CUX1: variants seen among roughly 807,000 people sequenced by gnomAD.
CUX1 encodes cut like homeobox 1, also known as protein CASP.
CUX1 carries 31 observed loss-of-function variants against 158.8 expected under a neutral mutation model. The ratio of observed to expected loss-of-function variants is 0.20; its 90% confidence interval spans 0.15 to 0.26. CUX1 has a LOEUF of 0.26. Ranked by LOEUF, CUX1 falls within the 10% of genes least tolerant of loss-of-function variation. CUX1 has a pLI of 1.00. For missense variants in CUX1, 1,589 were observed against 2,014.6 expected (o/e 0.79, Z 4.04); for synonymous variants, 879 against 862.1 (o/e 1.02, Z -0.34).
intron 14 of CUX1, among the ~76,000 whole-genome samples, chr7:102,267,508 TG>T (rs1239564949): frequency 6.6e-6 from 1 of 152,100 alleles, no homozygotes; most frequent in Non-Finnish European, 1.5e-5. Context: ...CACTCTAGCC[TG>T]GGTGACGAGT....
intron 1 of CUX1, among the ~76,000 whole-genome samples, chr7:101,908,444 C>T (rs1010899849): frequency 1.6e-5 from 2 of 125,400 alleles, no homozygotes; most frequent in African/African-American, 5.7e-5. Flanking sequence ...CTGCGCCCAG[C>T]CTGTTTTTTG....
intron 10 of CUX1, among the ~76,000 whole-genome samples, chr7:102,173,958 G>A (rs1182211970): frequency 6.6e-6 from 1 of 152,150 alleles, no homozygotes; most frequent in Non-Finnish European, 1.5e-5. Flanking sequence ...GGCTTGGCTG[G>A]CAGAATGCAG....
chr7:102,176,362 G>A (rs13437919), intron 10 of CUX1, among the ~76,000 whole-genome samples: 5,475 of 152,150 alleles, frequency 0.036, 339 homozygotes, highest in African/African-American at 0.13. Flanking sequence ...AGATCAGGAC[G>A]TGAAACTGAG....
upstream of CUX1, chr7:101,817,125 C>T (rs1791922732): frequency 1.0e-6 from 1 of 984,338 alleles, no homozygotes; most frequent in African/African-American, 1.8e-5. The surrounding 1 kb of genome is among the most constrained non-coding windows in gnomAD (Gnocchi z 4.1). Flanking sequence ...CCCGGACCGC[C>T]GGGTGCGGGC....
At chr7:102,210,533 T>C (rs1796410149) in intron 20 of CUX1, among the ~76,000 whole-genome samples, 2 of 152,218 alleles carry the variant, frequency 1.3e-5, no homozygotes, top group Admixed American at 6.5e-5. Context: ...CTTTTTAATG[T>C]GGGAGCGTTT....
intron 8 of CUX1, among the ~76,000 whole-genome samples, chr7:102,135,794 G>A (rs1554498595): frequency 6.6e-6 from 1 of 151,992 alleles, no homozygotes; most frequent in African/African-American, 2.4e-5. Flanking sequence ...GGCCAAGATG[G>A]TGTAAACCCA....
At chr7:101,866,081 T>A (rs1445729556) in intron 1 of CUX1, among the ~76,000 whole-genome samples, 1 of 152,054 alleles carries the variant, frequency 6.6e-6, no homozygotes, top group Non-Finnish European at 1.5e-5. Flanking sequence ...TCCCAGCATG[T>A]TGGGAGGCTG....
intron 1 of CUX1, among the ~76,000 whole-genome samples, chr7:101,860,690 T>A (rs1797342212): frequency 6.6e-6 from 1 of 151,894 alleles, no homozygotes; most frequent in South Asian, 2.1e-4. Context: ...TCCTGTCCTG[T>A]CCTTTCCTTT....
chr7:102,068,426 A>C (rs1320986455), intron 3 of CUX1, among the ~76,000 whole-genome samples: 1 of 130,816 alleles, frequency 7.6e-6, no homozygotes, highest in Non-Finnish European at 1.6e-5. Flanking sequence ...CCAGAATCAC[A>C]GCCTTATCTT....
chr7:102,136,147 A>G (rs1833875186), intron 8 of CUX1, among the ~76,000 whole-genome samples: 1 of 152,102 alleles, frequency 6.6e-6, no homozygotes, highest in African/African-American at 2.4e-5. Flanking sequence ...TTCCCCCAAC[A>G]TATAATATCT....
chr7:101,873,018 A>T (rs1264294067), intron 1 of CUX1, among the ~76,000 whole-genome samples: 1 of 151,628 alleles, frequency 6.6e-6, no homozygotes, highest in Non-Finnish European at 1.5e-5. Flanking sequence ...GATTACAGGC[A>T]TGCACTGTCA....
chr7:101,861,937 C>T (rs200023181), intron 1 of CUX1, among the ~76,000 whole-genome samples: 11 of 152,158 alleles, frequency 7.2e-5, no homozygotes, highest in East Asian at 3.9e-4. Flanking sequence ...CGGGTTCAAG[C>T]GATTCTCCTG....
intron 1 of CUX1, among the ~76,000 whole-genome samples, chr7:101,877,362 G>GCA (rs1162908522): frequency 1.3e-5 from 2 of 152,170 alleles, no homozygotes; most frequent in Non-Finnish European, 2.9e-5. Flanking sequence ...AGCATGCCAT[G>GCA]CACACTCTTG....
chr7:101,857,579 T>G (rs1796996078), intron 1 of CUX1, among the ~76,000 whole-genome samples: 1 of 152,210 alleles, frequency 6.6e-6, no homozygotes, highest in Admixed American at 6.5e-5. Context: ...TGGGTTACTT[T>G]AAACTGGAAC....
At position 102,239,414 on chromosome 7, in the gene CUX1, G is replaced by A. The variant is rs782805929; in HGVS notation, c.3717G>A (p.Gln1239=). 18 of 1,613,654 alleles carry A rather than the reference G, an allele frequency of 1.1e-5. No homozygotes were observed. The highest frequency in any genetic ancestry group is 5.0e-5 in the Admixed American group (3 of 59,998). The change falls in exon 23 of 24, where the codon CAG becomes CAA. Residue 1239 remains glutamine (Q), a synonymous_variant. Coordinates refer to ENST00000292535, the MANE Select transcript of CUX1 (RefSeq NM_181552.4). The part of the protein sequence containing the change: ...GTEYSQGASP[Q]PQHQLKKPRV... ...AGTACAGCCAGGGCGCCAGCCCCCA[G>A]CCCCAGCACCAGCTGAAGAAACCCC...
At chr7:102,119,337 C>T (rs1443965997) in intron 8 of CUX1, among the ~76,000 whole-genome samples, 3 of 152,142 alleles carry the variant, frequency 2.0e-5, no homozygotes, top group South Asian at 2.1e-4. Flanking sequence ...GAGGCTGCTC[C>T]GAGACCCCGG....
In CUX1 at chr7:102,201,356, G is replaced by A; in HGVS notation, c.2063-4G>A. 2 of 1,611,470 alleles carry A rather than the reference G, an allele frequency of 1.2e-6. No individual in the cohort carries two copies. The highest frequency in any genetic ancestry group is 1.7e-6 in the Non-Finnish European group (2 of 1,178,474). On this transcript the variant is annotated splice_polypyrimidine_tract_variant and splice_region_variant and intron_variant, in intron 17 of 23. Coordinates refer to ENST00000292535, the MANE Select transcript of CUX1 (RefSeq NM_181552.4). The surrounding 1 kb of genome is among the most constrained non-coding windows in gnomAD (Gnocchi z 5.0). Reference sequence around the variant, plus strand: ...CACACTCTCACCCCTGTTTCTCCATGCAGCAGAGCCGGCCCAGCCTTCCTC... The same window carrying A: ...CACACTCTCACCCCTGTTTCTCCATACAGCAGAGCCGGCCCAGCCTTCCTC...
intron 2 of CUX1, among the ~76,000 whole-genome samples, chr7:101,964,639 A>G (rs1227104897): frequency 2.0e-5 from 3 of 152,128 alleles, no homozygotes; most frequent in Non-Finnish European, 4.4e-5. Context: ...CTTTGGGAGT[A>G]CTGGCTCCAG....
intron 8 of CUX1, among the ~76,000 whole-genome samples, chr7:102,117,516 G>T (rs923381621): frequency 3.9e-5 from 6 of 152,064 alleles, no homozygotes; most frequent in Admixed American, 3.9e-4. Flanking sequence ...AGCGGGGAAA[G>T]GTAGCTAGAG....
Sources: gnomAD v4.1 joint callset for allele counts (sites outside exome capture counted in the v4.1 genomes callset) on GRCh38, gnomAD v4.1.1 for gene constraint, Gnocchi (gnomAD v3.1) non-coding constraint, MANE v1.5 for transcripts, NCBI Gene and HGNC (gene_info 2026-07-23, HGNC 2026-07-21) for gene names.